Variants in DPH5 observed in about 807,000 individuals in gnomAD.
DPH5 encodes the protein diphthamide biosynthesis 5.
DPH5 carries 31 observed loss-of-function variants against 31.6 expected under a neutral mutation model. The observed-to-expected ratio is 0.98, with a 90% CI of 0.74 to 1.32. DPH5 has a LOEUF of 1.32. Among genes scored for constraint, DPH5 ranks in the 40% most tolerant of loss-of-function variants. The pLI, the probability that DPH5 is intolerant of heterozygous loss-of-function variation, is 0.00. For synonymous variants in DPH5, 120 were observed against 115.0 expected (o/e 1.04, Z -0.28); for missense variants, 309 against 335.7 (o/e 0.92, Z 0.62).
chr1:101,003,380 T>C (rs536947052), intron 4 of DPH5, among the ~76,000 whole-genome samples: 5 of 152,338 alleles, frequency 3.3e-5, no homozygotes, highest in East Asian at 1.9e-4. Flanking sequence ...CCAGGTATTA[T>C]GCTAGTCACA....
chr1:101,000,013 G>A (rs560853979), intron 5 of DPH5, among the ~76,000 whole-genome samples: 1 of 151,968 alleles, frequency 6.6e-6, no homozygotes, highest in South Asian at 2.1e-4. Flanking sequence ...CGGGCGTGGT[G>A]GCATGAACCT....
intron 5 of DPH5, among the ~76,000 whole-genome samples, chr1:100,998,073 A>T (rs1300501029): frequency 1.3e-5 from 2 of 152,268 alleles, no homozygotes; most frequent in Non-Finnish European, 2.9e-5. Flanking sequence ...ATTAATGATG[A>T]ATGAAGCACT....
intron 4 of DPH5, among the ~76,000 whole-genome samples, chr1:101,004,025 T>C (rs1659052567): frequency 6.6e-6 from 1 of 152,160 alleles, no homozygotes; most frequent in Non-Finnish European, 1.5e-5. Context: ...AAAAAGAAAG[T>C]GACAGACCAC....
At chr1:100,992,295 T>C (rs1357584990) in intron 7 of DPH5, among the ~76,000 whole-genome samples, 2 of 152,152 alleles carry the variant, frequency 1.3e-5, no homozygotes, top group Non-Finnish European at 2.9e-5. Context: ...TTTTGCAGGA[T>C]AGATCTCACC....
Position 101,025,749 on chromosome 1 carries a change from G to C in DPH5, c.-90C>G, listed in dbSNP as rs1660781363. ...TCTTAACTACCACCTTTCCGCAGAA[G>C]CAACTGCAAAAGCGCCGGCTCCGTG... is the stretch of plus-strand genomic sequence containing the variant. On this transcript the variant is annotated 5_prime_UTR_variant, in exon 1 of 8. Coordinates refer to ENST00000370109, the MANE Select transcript of DPH5 (RefSeq NM_015958.3). 3.1e-6 allele frequency: 1 copy of C among 323,928 alleles called. No homozygotes were observed. The highest frequency in any genetic ancestry group is 4.7e-5 in the Admixed American group (1 of 21,304). 20.1% of individuals were successfully genotyped at this position (323,928 alleles called of 1,614,324 possible).
intron 2 of DPH5, among the ~76,000 whole-genome samples, chr1:101,022,301 CAGA>C (rs1304953454): frequency 2.0e-5 from 3 of 152,110 alleles, no homozygotes; most frequent in African/African-American, 7.2e-5. Context: ...TACATAAATG[CAGA>C]AGATACTAAT....
At chr1:100,998,710 G>A (rs1658596177) in intron 5 of DPH5, among the ~76,000 whole-genome samples, 2 of 152,164 alleles carry the variant, frequency 1.3e-5, no homozygotes, top group Admixed American at 1.3e-4. Context: ...AGAGAATAAT[G>A]AGCAAGATAA....
chr1:101,003,578 A>G (rs1010407562), intron 4 of DPH5, among the ~76,000 whole-genome samples: 1 of 152,244 alleles, frequency 6.6e-6, no homozygotes, highest in Non-Finnish European at 1.5e-5. Context: ...TAATAACTGT[A>G]AACATAAAAA....
intron 6 of DPH5, among the ~76,000 whole-genome samples, chr1:100,993,875 G>A (rs561452054): frequency 6.6e-6 from 1 of 151,610 alleles, no homozygotes; most frequent in South Asian, 2.1e-4. Flanking sequence ...CGAGTAGCTG[G>A]GATTACAGGT....
intron 3 of DPH5, among the ~76,000 whole-genome samples, chr1:101,017,855 G>C (rs1660181987): frequency 6.6e-6 from 1 of 152,190 alleles, no homozygotes. Context: ...ATAAAGAATT[G>C]TTTTTAATAT....
At chr1:101,008,168 T>A (rs1659372869) in intron 4 of DPH5, among the ~76,000 whole-genome samples, 1 of 152,260 alleles carries the variant, frequency 6.6e-6, no homozygotes, top group Non-Finnish European at 1.5e-5. Context: ...TTTAGTAATT[T>A]TCATACATCT....
At position 100,995,096 on chromosome 1, in the gene DPH5, G is replaced by T; in HGVS notation, c.530+14C>A. On this transcript the variant is annotated intron_variant, in intron 6 of 7. Coordinates refer to ENST00000370109, the MANE Select transcript of DPH5 (RefSeq NM_015958.3). ...AATAAAACACATGTATGCATTCTCA[G>T]AATAATAACTTACTTGATTAGATTT... The T allele has an allele frequency of 6.4e-7, 1 of 1,557,688 alleles. No individual in the cohort carries two copies. Among genetic ancestry groups the T allele is most frequent in the Non-Finnish European group, 8.8e-7 (1 of 1,130,190 alleles).
chr1:101,025,719 C>CA lies in DPH5; in HGVS notation c.-61dup, dbSNP rs1375291521. 7.6e-6 allele frequency: 3 copies of CA among 396,512 alleles called. No individual in the cohort carries two copies. Among genetic ancestry groups the CA allele is most frequent in the African/African-American group, 6.2e-5 (3 of 48,532 alleles). 24.6% of individuals were successfully genotyped at this position (396,512 alleles called of 1,614,324 possible). Reference sequence around the variant, plus strand: ...ATCGTAGGTAGTTCTCTGGCCTTTACAAATTCTTAACTACCACCTTTCCGC... The same window carrying CA: ...ATCGTAGGTAGTTCTCTGGCCTTTACAAAATTCTTAACTACCACCTTTCCGC... On this transcript the variant is annotated 5_prime_UTR_variant, in exon 1 of 8. Transcript: ENST00000370109.
intron 3 of DPH5, among the ~76,000 whole-genome samples, chr1:101,019,069 C>T (rs370087265): frequency 2.0e-5 from 3 of 152,028 alleles, no homozygotes; most frequent in South Asian, 4.1e-4. Flanking sequence ...AGTTACAGAG[C>T]ATATTGAAAT....
chr1:101,016,770 T>A (rs1319593365), intron 3 of DPH5, among the ~76,000 whole-genome samples: 2 of 152,160 alleles, frequency 1.3e-5, no homozygotes, highest in African/African-American at 4.8e-5. Flanking sequence ...TATGCCTTCC[T>A]CATTTCTAGC....
At chr1:101,022,444 A>G (rs1044550099) in intron 2 of DPH5, among the ~76,000 whole-genome samples, 3 of 152,242 alleles carry the variant, frequency 2.0e-5, no homozygotes, top group Admixed American at 1.3e-4. Context: ...ACTCTAGAGA[A>G]CAAATCCAGT....
intron 5 of DPH5, 21 bp downstream of exon 5, chr1:101,001,446 A>G: frequency 6.2e-7 from 1 of 1,604,880 alleles, no homozygotes; most frequent in African/African-American, 1.3e-5. Context: ...TGTTACTTCA[A>G]GGAAATTCCA....
intron 5 of DPH5, among the ~76,000 whole-genome samples, chr1:100,998,596 G>C (rs549018942): frequency 6.8e-4 from 104 of 151,946 alleles, no homozygotes; most frequent in African/African-American, 2.5e-3. Context: ...TGTGCCAATG[G>C]GTCATAAGAC....
chr1:101,000,926 A>C (rs1211712232), intron 5 of DPH5, among the ~76,000 whole-genome samples: 1 of 152,236 alleles, frequency 6.6e-6, no homozygotes, highest in Non-Finnish European at 1.5e-5. Flanking sequence ...AGCTATTATT[A>C]AAAGGCTATC....
Sources: gnomAD v4.1 joint callset for allele counts (sites outside exome capture counted in the v4.1 genomes callset) on GRCh38, gnomAD v4.1.1 for gene constraint, MANE v1.5 for transcripts, NCBI Gene and HGNC (gene_info 2026-07-23, HGNC 2026-07-21) for gene names.